Variants in ENTHD1 observed in about 807,000 individuals in gnomAD.
ENTHD1 encodes ENTH domain-containing protein 1.
ENTHD1 carries 23 observed loss-of-function variants against 39.1 expected under a neutral mutation model. The observed-to-expected ratio is 0.59, with a 90% CI of 0.42 to 0.83. ENTHD1 has a LOEUF of 0.83. Ranked by LOEUF, ENTHD1 falls within the 40% of genes least tolerant of loss-of-function variation. ENTHD1 has a pLI of 0.00. For missense variants in ENTHD1, 624 were observed against 705.4 expected, an observed-to-expected ratio of 0.88 and a Z score of 1.31; for synonymous variants, 230 against 258.2, an observed-to-expected ratio of 0.89 and a Z score of 1.05.
intron 5 of ENTHD1, among the ~76,000 whole-genome samples, chr22:39,801,604 T>A (rs768266925): frequency 2.0e-5 from 3 of 152,258 alleles, no homozygotes; most frequent in Admixed American, 6.5e-5. Context: ...TAAAGCATCA[T>A]ATTCTGTTGT....
chr22:39,827,369 T>C (rs2065835384), intron 4 of ENTHD1, among the ~76,000 whole-genome samples: 1 of 152,130 alleles, frequency 6.6e-6, no homozygotes, highest in Admixed American at 6.5e-5. Flanking sequence ...TTTATAAACA[T>C]TTTATAAAGA....
At chr22:39,883,003 CA>C (rs58964198) in intron 2 of ENTHD1, among the ~76,000 whole-genome samples, 11,172 of 48,414 alleles carry the variant, frequency 0.23, 317 homozygotes, top group African/African-American at 0.35. Flanking sequence ...GACTTCATCT[CA>C]AAAAAAAAAA....
At chr22:39,893,664 C>T (rs1311547468) in intron 1 of ENTHD1, 31 bp downstream of exon 1, 1 of 152,300 alleles carries the variant, frequency 6.6e-6, no homozygotes, top group Non-Finnish European at 1.5e-5. Context: ...CGCCTTGAGC[C>T]CCACCACCAC....
intron 5 of ENTHD1, among the ~76,000 whole-genome samples, chr22:39,780,452 C>T (rs1157235785): frequency 1.3e-5 from 2 of 151,652 alleles, no homozygotes; most frequent in Non-Finnish European, 2.9e-5. Flanking sequence ...AGAAATAAAC[C>T]CAACTATATG....
chr22:39,887,643 G>A lies in ENTHD1; in HGVS notation c.106C>T (p.Leu36=). ...GTCAAGTCACTGATATCTAACATCAGAGAACTAGAGGGACCCCAAGGGTCG... is the reference window on the plus strand; with the variant it reads ...GTCAAGTCACTGATATCTAACATCAAAGAACTAGAGGGACCCCAAGGGTCG... ...SNDPWGPSSS[L]MLDISDLTFN... Residue 36 remains leucine (L), a synonymous_variant, in exon 2 of 7, where the codon CTG becomes TTG. Coordinates refer to ENST00000325157, the MANE Select transcript of ENTHD1 (RefSeq NM_152512.4). 6.2e-7 allele frequency: 1 copy of A among 1,614,092 alleles called. No homozygotes were observed. Among genetic ancestry groups the A allele is most frequent in the Non-Finnish European group, 8.5e-7 (1 of 1,180,008 alleles).
At chr22:39,814,574 C>T (rs550782056) in intron 5 of ENTHD1, among the ~76,000 whole-genome samples, 12 of 152,246 alleles carry the variant, frequency 7.9e-5, no homozygotes, top group Admixed American at 3.9e-4. Context: ...ATATCACTGA[C>T]GGAGCAGAAT....
intron 4 of ENTHD1, among the ~76,000 whole-genome samples, chr22:39,826,050 A>G (rs2065823950): frequency 6.6e-6 from 1 of 152,016 alleles, no homozygotes; most frequent in South Asian, 2.1e-4. Context: ...TAATTTTTGT[A>G]TTTTGCATTT....
chr22:39,864,627 T>C (rs78603241), intron 2 of ENTHD1, among the ~76,000 whole-genome samples: 1,974 of 152,174 alleles, frequency 0.013, 45 homozygotes, highest in African/African-American at 0.045. Context: ...TGGCACACAG[T>C]AGATGCTCAG....
At chr22:39,811,049 G>A (rs1021110095) in intron 5 of ENTHD1, among the ~76,000 whole-genome samples, 6 of 152,218 alleles carry the variant, frequency 3.9e-5, no homozygotes, top group Non-Finnish European at 8.8e-5. Context: ...CACTCTTGAT[G>A]CTACATGTAT....
intron 5 of ENTHD1, among the ~76,000 whole-genome samples, chr22:39,802,927 C>T (rs1302202005): frequency 4.6e-5 from 7 of 152,210 alleles, no homozygotes; most frequent in Non-Finnish European, 7.3e-5. Context: ...CACTTTCTTC[C>T]ATTGCCAGTG....
At chr22:39,859,452 T>C (rs763341355) in intron 3 of ENTHD1, among the ~76,000 whole-genome samples, 1 of 152,216 alleles carries the variant, frequency 6.6e-6, no homozygotes, top group Non-Finnish European at 1.5e-5. Flanking sequence ...TAACCATTTC[T>C]AGCTTTTGAA....
intron 6 of ENTHD1, among the ~76,000 whole-genome samples, chr22:39,745,366 T>C (rs2065095292): frequency 6.6e-6 from 1 of 152,212 alleles, no homozygotes; most frequent in Non-Finnish European, 1.5e-5. Flanking sequence ...TGAGAACACA[T>C]GGCTTATTTT....
chr22:39,811,678 A>T (rs192347267), intron 5 of ENTHD1, among the ~76,000 whole-genome samples: 1 of 152,198 alleles, frequency 6.6e-6, no homozygotes, highest in East Asian at 1.9e-4. Flanking sequence ...CCACTGTCAA[A>T]TCAAAATGAC....
At chr22:39,802,821 G>C (rs531982643) in intron 5 of ENTHD1, among the ~76,000 whole-genome samples, 1 of 152,272 alleles carries the variant, frequency 6.6e-6, no homozygotes, top group South Asian at 2.1e-4. Flanking sequence ...CTTCTCAGAG[G>C]CAGAACACTA....
At chr22:39,787,442 G>C (rs974694726) in intron 5 of ENTHD1, among the ~76,000 whole-genome samples, 2 of 152,184 alleles carry the variant, frequency 1.3e-5, no homozygotes, top group Non-Finnish European at 2.9e-5. Flanking sequence ...TGAAGGCTGA[G>C]AGACCAAAAG....
At chr22:39,830,677 A>T (rs575196883) in intron 4 of ENTHD1, among the ~76,000 whole-genome samples, 1 of 152,336 alleles carries the variant, frequency 6.6e-6, no homozygotes, top group East Asian at 1.9e-4. Flanking sequence ...TCATTTCTTC[A>T]GTTGACAAAA....
At chr22:39,859,125 C>A (rs1333969924) in intron 3 of ENTHD1, among the ~76,000 whole-genome samples, 2 of 152,200 alleles carry the variant, frequency 1.3e-5, no homozygotes, top group Non-Finnish European at 2.9e-5. Context: ...CCTCTGCTAG[C>A]TTCAAGATTT....
At position 39,887,536 on chromosome 22, in the gene ENTHD1, C is replaced by T. The variant is rs749731997; in HGVS notation, c.213G>A (p.Val71=). The change falls in exon 2 of 7, where the codon GTG becomes GTA. Residue 71 remains valine, a synonymous_variant. Transcript: ENST00000325157. ...AATCCATTAGGGTAAGGGATTTATA[C>T]ACGTGGCGCCAGTTCTTCCCATGGT... is the stretch of plus-strand genomic sequence containing the variant. The part of the protein sequence containing the change: ...LNDHGKNWRH[V]YKSLTLMDYL... 1.1e-5 allele frequency: 18 copies of T among 1,614,190 alleles called. No homozygotes were observed. The highest frequency in any genetic ancestry group is 4.5e-5 in the East Asian group (2 of 44,890).
intron 5 of ENTHD1, among the ~76,000 whole-genome samples, chr22:39,784,425 C>T (rs1035556211): frequency 6.6e-6 from 1 of 151,876 alleles, no homozygotes; most frequent in South Asian, 2.1e-4. Context: ...GAAATCAATA[C>T]AACAAAAAGA....
Sources: allele counts gnomAD v4.1 joint callset (sites outside exome capture counted in the v4.1 genomes callset), GRCh38; gene constraint gnomAD v4.1.1; transcripts MANE v1.5; gene names NCBI Gene and HGNC (gene_info 2026-07-23, HGNC 2026-07-21).